The following TMPRSS11D variants were observed in gnomAD, a reference collection of about 807,000 sequenced individuals.
TMPRSS11D encodes transmembrane serine protease 11D.
Under a neutral mutation model 44.4 loss-of-function variants are expected in TMPRSS11D, and 32 were observed. The observed-to-expected ratio is 0.72, with a 90% CI of 0.54 to 0.97. TMPRSS11D has a LOEUF of 0.97. TMPRSS11D is among the 50% of genes least tolerant of loss of function. The pLI is 0.00. For synonymous variants in TMPRSS11D, 179 were observed against 177.9 expected (o/e 1.01, Z -0.05); for missense variants, 446 against 502.6 (o/e 0.89, Z 1.08).
chr4:67,882,643 TTTAAAA>T (rs1393771489), intron 1 of TMPRSS11D, among the ~76,000 whole-genome samples: 1 of 152,186 alleles, frequency 6.6e-6, no homozygotes, highest in African/African-American at 2.4e-5. Context: ...GAGTAATTTC[TTTAAAA>T]TTAAAATATT....
intron 1 of TMPRSS11D, among the ~76,000 whole-genome samples, chr4:67,861,035 A>T (rs1718781234): frequency 6.6e-6 from 1 of 152,164 alleles, no homozygotes; most frequent in Non-Finnish European, 1.5e-5. Context: ...TAAACACAGG[A>T]CACTTTATAA....
intron 3 of TMPRSS11D, among the ~76,000 whole-genome samples, chr4:67,847,820 T>C (rs1252134004): frequency 6.6e-6 from 1 of 152,240 alleles, no homozygotes; most frequent in East Asian, 1.9e-4. Context: ...ATTTCAGCAC[T>C]CCAATGAATT....
intron 9 of TMPRSS11D, among the ~76,000 whole-genome samples, chr4:67,824,056 C>T (rs1368353747): frequency 4.0e-5 from 6 of 151,364 alleles, no homozygotes; most frequent in African/African-American, 1.5e-4. Context: ...AATATAATTC[C>T]TTTGAATTAA....
At chr4:67,882,026 G>T (rs1471895150) in intron 1 of TMPRSS11D, among the ~76,000 whole-genome samples, 1 of 152,118 alleles carries the variant, frequency 6.6e-6, no homozygotes, top group Non-Finnish European at 1.5e-5. Flanking sequence ...AGTGACCAAG[G>T]ATCTGAAATG....
chr4:67,873,671 T>C (rs573285010), intron 1 of TMPRSS11D, among the ~76,000 whole-genome samples: 1 of 152,276 alleles, frequency 6.6e-6, no homozygotes, highest in South Asian at 2.1e-4. Context: ...AAATTTTAAA[T>C]TAGTTAATCT....
At position 67,827,362 on chromosome 4, in the gene TMPRSS11D, A is replaced by G. The variant is rs754288885; in HGVS notation, c.851T>C (p.Phe284Ser). 6.2e-6 allele frequency: 10 copies of G among 1,613,260 alleles called. No individual in the cohort carries two copies. Among genetic ancestry groups the G allele is most frequent in the Non-Finnish European group, 7.6e-6 (9 of 1,179,592 alleles). ...ALVRLENSVTFTKDIHSVCLP... is the reference protein window; with the variant it reads ...ALVRLENSVTSTKDIHSVCLP... ...ACACACACTATGGATATCTTTGGTAAAGGTGACACTGTTCTCAAGTCTCAC... is the reference window on the plus strand; with the variant it reads ...ACACACACTATGGATATCTTTGGTAGAGGTGACACTGTTCTCAAGTCTCAC... The change falls in exon 8 of 10, where the codon TTT becomes TCT. Residue 284 changes from phenylalanine to serine, a missense_variant. Transcript: ENST00000283916.
At chr4:67,842,696 A>G (rs1157998760) in intron 3 of TMPRSS11D, 71 bp from the exon 4 acceptor site, 4 of 1,355,924 alleles carry the variant, frequency 3.0e-6, no homozygotes, top group African/African-American at 1.5e-5. Flanking sequence ...CAACCTTGCA[A>G]CATGAGACAT....
chr4:67,875,752 A>G (rs1719175928), intron 1 of TMPRSS11D, among the ~76,000 whole-genome samples: 1 of 152,226 alleles, frequency 6.6e-6, no homozygotes, highest in Non-Finnish European at 1.5e-5. Flanking sequence ...CCTCCTTGTT[A>G]TGAGTCCAGT....
intron 3 of TMPRSS11D, among the ~76,000 whole-genome samples, chr4:67,850,888 T>G (rs1224997447): frequency 6.6e-6 from 1 of 152,198 alleles, no homozygotes; most frequent in Non-Finnish European, 1.5e-5. Context: ...ACTTTACAAC[T>G]TATAGATGAC....
chr4:67,845,068 C>A (rs1048688233), intron 3 of TMPRSS11D, among the ~76,000 whole-genome samples: 6 of 152,172 alleles, frequency 3.9e-5, no homozygotes, highest in Non-Finnish European at 7.3e-5. Flanking sequence ...TGGCATTGCA[C>A]TGGCACCGGC....
chr4:67,867,194 G>A (rs59973900), intron 1 of TMPRSS11D, among the ~76,000 whole-genome samples: 2 of 151,778 alleles, frequency 1.3e-5, no homozygotes, highest in South Asian at 2.1e-4. Flanking sequence ...TACAGCCAAC[G>A]GACCTTTGAC....
chr4:67,833,181 T>C lies in TMPRSS11D; in HGVS notation c.692+23A>G, dbSNP rs114074287. On this transcript the variant is annotated intron_variant, in intron 7 of 9. Coordinates refer to ENST00000283916, the MANE Select transcript of TMPRSS11D (RefSeq NM_004262.3). Reference sequence around the variant, plus strand: ...CCTGTCTATTCTAATTGTTCCCAGATGGGTAGGTAGTGGTGGCCTCACCTT... The same window carrying C: ...CCTGTCTATTCTAATTGTTCCCAGACGGGTAGGTAGTGGTGGCCTCACCTT... The C allele has an allele frequency of 1.7e-3, 2,341 of 1,410,008 alleles. 38 individuals carry two copies. The African/African-American group carries it at 0.031, about 19-fold the overall frequency. 87.3% of individuals were successfully genotyped at this position (1,410,008 alleles called of 1,614,324 possible).
intron 5 of TMPRSS11D, among the ~76,000 whole-genome samples, chr4:67,836,514 C>T (rs1012029835): frequency 6.6e-6 from 1 of 152,184 alleles, no homozygotes; most frequent in Admixed American, 6.6e-5. Context: ...CCAAATCATA[C>T]TTCTGGAGAC....
intron 3 of TMPRSS11D, among the ~76,000 whole-genome samples, chr4:67,843,421 A>G (rs2109673969): frequency 6.6e-6 from 1 of 152,292 alleles, no homozygotes; most frequent in Middle Eastern, 3.4e-3. Context: ...AAAGAAAGAT[A>G]AATGCTTGAG....
rs561193609 is a variant in TMPRSS11D at position 67,844,962 on chromosome 4, C to T, written c.250-2337G>A. Reference sequence around the variant, plus strand: ...ATAAAAATATTTAACTTTAATTTTACTTGACTTTAATCGAAGTAGAAAAAA... The same window carrying T: ...ATAAAAATATTTAACTTTAATTTTATTTGACTTTAATCGAAGTAGAAAAAA... On this transcript the variant is annotated intron_variant, in intron 3 of 9. Transcript: ENST00000283916. Among the ~76,000 whole-genome samples the T allele has an allele frequency of 9.2e-5, 14 of 152,098 alleles. No homozygotes were observed. The East Asian group carries it at 2.3e-3, about 25-fold the overall frequency.
intron 1 of TMPRSS11D, among the ~76,000 whole-genome samples, chr4:67,875,191 C>A (rs920562618): frequency 6.6e-6 from 1 of 152,088 alleles, no homozygotes; most frequent in Non-Finnish European, 1.5e-5. Flanking sequence ...GATGCCTATA[C>A]AATGTGTTCC....
chr4:67,839,755 A>G (rs10461303), intron 4 of TMPRSS11D, among the ~76,000 whole-genome samples: 19,620 of 152,142 alleles, frequency 0.13, 1,441 homozygotes, highest in East Asian at 0.32. Flanking sequence ...CTGAAAATTC[A>G]TAAGCATGGG....
At chr4:67,851,007 G>C (rs1336797388) in intron 3 of TMPRSS11D, among the ~76,000 whole-genome samples, 1 of 152,144 alleles carries the variant, frequency 6.6e-6, no homozygotes, top group African/African-American at 2.4e-5. Context: ...GGAAGTGGAG[G>C]AAATCAAACC....
intron 7 of TMPRSS11D, among the ~76,000 whole-genome samples, chr4:67,828,429 G>T (rs1268473165): frequency 2.0e-5 from 3 of 152,162 alleles, no homozygotes; most frequent in African/African-American, 4.8e-5. Context: ...GGTGAAGCCC[G>T]CAGCAACAGA....
Sources: allele counts gnomAD v4.1 joint callset (sites outside exome capture counted in the v4.1 genomes callset), GRCh38; gene constraint gnomAD v4.1.1; transcripts MANE v1.5; gene names NCBI Gene and HGNC (gene_info 2026-07-23, HGNC 2026-07-21).